Variants in WNT3 observed in about 807,000 individuals in gnomAD.
WNT3 encodes proto-oncogene Wnt-3.
A neutral mutation model predicts 34.2 loss-of-function variants in WNT3; 7 were observed. The ratio of observed to expected loss-of-function variants is 0.20; its 90% confidence interval spans 0.12 to 0.38. WNT3 has a LOEUF of 0.38. Among genes scored for constraint, WNT3 ranks in the 10% least tolerant of loss-of-function variants. The pLI, the probability that WNT3 is intolerant of heterozygous loss-of-function variation, is 1.00. For synonymous variants in WNT3, 212 were observed against 211.5 expected (o/e 1.00, Z -0.02); for missense variants, 267 against 499.8 (o/e 0.53, Z 4.44).
Position 46,768,442 on chromosome 17 carries a change from C to A in WNT3, c.946G>T (p.Gly316Cys). The change falls in exon 4 of 5, where the codon GGC (glycine) becomes TGC (cysteine). Residue 316 changes from glycine to cysteine, a missense_variant. By Grantham distance (159) the Gly-to-Cys change is radical. Transcript: ENST00000225512. The surrounding 1 kb of genome is among the most constrained non-coding windows in gnomAD (Gnocchi z 5.0). Reference protein sequence around the residue: ...GIDGCDLLCCGRGHNTRTEKR... With the variant: ...GIDGCDLLCCCRGHNTRTEKR... ...TCCGTCCTCGTGTTGTGGCCCCGGC[C>A]ACAGCAGAGCAGATCGCAGCCATCG... The A allele has an allele frequency of 6.2e-7, 1 of 1,614,118 alleles. No individual in the cohort carries two copies. The highest frequency in any genetic ancestry group is 8.5e-7 in the Non-Finnish European group (1 of 1,180,034).
chr17:46,807,876 G>A (rs1429522212), intron 1 of WNT3, among the ~76,000 whole-genome samples: 1 of 152,244 alleles, frequency 6.6e-6, no homozygotes, highest in Non-Finnish European at 1.5e-5. Flanking sequence ...AGGGAAGCAT[G>A]CTTTATCAGA....
intron 1 of WNT3, among the ~76,000 whole-genome samples, chr17:46,787,704 G>A (rs889284013): frequency 4.6e-5 from 7 of 152,136 alleles, no homozygotes; most frequent in East Asian, 1.9e-4. Context: ...CTGTATTCCC[G>A]GCACTTTGGG....
At chr17:46,782,975 T>C (rs1160377116) in intron 1 of WNT3, among the ~76,000 whole-genome samples, 1 of 152,182 alleles carries the variant, frequency 6.6e-6, no homozygotes, top group Non-Finnish European at 1.5e-5. Flanking sequence ...CCTGTGGCTG[T>C]GGGAGAGCGC....
chr17:46,801,358 G>A (rs992828295), intron 1 of WNT3, among the ~76,000 whole-genome samples: 15 of 152,184 alleles, frequency 9.9e-5, no homozygotes, highest in Admixed American at 3.3e-4. Flanking sequence ...GGTGGCTCAC[G>A]CCTGTAATCC....
chr17:46,813,976 G>T (rs963983435), intron 1 of WNT3, among the ~76,000 whole-genome samples: 1 of 152,208 alleles, frequency 6.6e-6, no homozygotes, highest in Non-Finnish European at 1.5e-5. Context: ...CCCTGGTAGG[G>T]CCTGGCTGGG....
intron 1 of WNT3, among the ~76,000 whole-genome samples, chr17:46,790,794 C>T (rs763945573): frequency 1.6e-4 from 25 of 152,242 alleles, no homozygotes; most frequent in African/African-American, 5.1e-4. Flanking sequence ...CCTCCGTTTC[C>T]GTCCACCTTG....
chr17:46,796,193 C>G (rs754154581), intron 1 of WNT3, among the ~76,000 whole-genome samples: 8 of 152,252 alleles, frequency 5.3e-5, no homozygotes, highest in Non-Finnish European at 1.0e-4. Context: ...AGAAAAACAT[C>G]CCCCACTTCA....
At chr17:46,777,825 G>A (rs1386184822) in intron 1 of WNT3, among the ~76,000 whole-genome samples, 2 of 152,226 alleles carry the variant, frequency 1.3e-5, no homozygotes, top group East Asian at 1.9e-4. Context: ...GACTCCCAGT[G>A]TGATGTCCTC....
chr17:46,768,195 T>C lies in WNT3; in HGVS notation c.*8+117A>G. On this transcript the variant is annotated intron_variant, in intron 4 of 4. Coordinates refer to ENST00000225512, the MANE Select transcript of WNT3 (RefSeq NM_030753.5). The surrounding 1 kb of genome is among the most constrained non-coding windows in gnomAD (Gnocchi z 5.0). ...AGCTTCCTATTTTGGCTGTGGGAAC[T>C]TGTGTGTCTTGGATAGCTTAGAAAC... 1.4e-6 allele frequency: 2 copies of C among 1,463,702 alleles called. No individual in the cohort carries two copies. Among genetic ancestry groups the C allele is most frequent in the Non-Finnish European group, 1.9e-6 (2 of 1,079,102 alleles). 90.7% of individuals were successfully genotyped at this position (1,463,702 alleles called of 1,614,324 possible).
intron 1 of WNT3, among the ~76,000 whole-genome samples, chr17:46,785,028 T>C (rs527698756): frequency 1.4e-4 from 21 of 152,172 alleles, no homozygotes; most frequent in South Asian, 1.0e-3. Flanking sequence ...CTGCCCGCCT[T>C]GGCCTCCCAA....
Position 46,769,767 on chromosome 17 carries a change from G to T in WNT3, c.588+16C>A, listed in dbSNP as rs1012584981. On this transcript the variant is annotated intron_variant, in intron 3 of 4. Coordinates refer to ENST00000225512, the MANE Select transcript of WNT3 (RefSeq NM_030753.5). ...GGCTGCTCCCTGAAGGGTTTGGGGA[G>T]GGTAGCCGGGCTCACCGTGCGGCCC... The T allele has an allele frequency of 4.4e-6, 7 of 1,608,248 alleles. No individual in the cohort carries two copies. Among genetic ancestry groups the T allele is most frequent in the Non-Finnish European group, 5.1e-6 (6 of 1,179,798 alleles).
intron 1 of WNT3, among the ~76,000 whole-genome samples, chr17:46,785,634 C>T (rs551215369): frequency 4.6e-5 from 7 of 152,322 alleles, no homozygotes; most frequent in African/African-American, 1.2e-4. Flanking sequence ...AGGGGCCTTC[C>T]GAGGAGGTGG....
chr17:46,766,300 C>T (rs566691069), intron 4 of WNT3, among the ~76,000 whole-genome samples: 2 of 151,950 alleles, frequency 1.3e-5, no homozygotes, highest in African/African-American at 4.8e-5. Context: ...CCCAGCTACT[C>T]GGGAGGCTGA....
At chr17:46,765,868 A>C (rs1407896182) in intron 4 of WNT3, among the ~76,000 whole-genome samples, 1 of 152,236 alleles carries the variant, frequency 6.6e-6, no homozygotes, top group East Asian at 1.9e-4. Context: ...ACAAATGAAG[A>C]AGCCAGGGCT....
intron 1 of WNT3, among the ~76,000 whole-genome samples, chr17:46,781,789 C>A (rs143812736): frequency 6.6e-6 from 1 of 152,158 alleles, no homozygotes; most frequent in Non-Finnish European, 1.5e-5. Context: ...GCATCTAGAG[C>A]CCCTGTGCAG....
At chr17:46,814,928 T>G (rs1175390483) in intron 1 of WNT3, among the ~76,000 whole-genome samples, 25 of 152,146 alleles carry the variant, frequency 1.6e-4, no homozygotes, top group Non-Finnish European at 5.9e-5. Context: ...TCAGGTGTGC[T>G]ATTTCCCAGC....
chr17:46,808,929 CA>C (rs1465653951), intron 1 of WNT3, among the ~76,000 whole-genome samples: 1 of 152,188 alleles, frequency 6.6e-6, no homozygotes, highest in African/African-American at 2.4e-5. Context: ...AAGGACCCTC[CA>C]TAGTTCAGGG....
At chr17:46,805,538 AC>A (rs1194235442) in intron 1 of WNT3, among the ~76,000 whole-genome samples, 1 of 152,186 alleles carries the variant, frequency 6.6e-6, no homozygotes, top group Non-Finnish European at 1.5e-5. Flanking sequence ...TTGCAATTGC[AC>A]TGCAGCCTGG....
At chr17:46,789,886 C>T (rs765195004) in intron 1 of WNT3, among the ~76,000 whole-genome samples, 32 of 152,218 alleles carry the variant, frequency 2.1e-4, no homozygotes, top group Non-Finnish European at 3.4e-4. Flanking sequence ...CTCAGGGCAA[C>T]GATTCCACTC....
Sources: gnomAD v4.1 joint callset for allele counts (sites outside exome capture counted in the v4.1 genomes callset) on GRCh38, gnomAD v4.1.1 for gene constraint, Gnocchi (gnomAD v3.1) non-coding constraint, MANE v1.5 for transcripts, NCBI Gene and HGNC (gene_info 2026-07-23, HGNC 2026-07-21) for gene names.